The following FAT3 variants were observed in gnomAD, a reference collection of about 807,000 sequenced individuals.
The protein encoded by FAT3 is protocadherin Fat 3.
A neutral mutation model predicts 310.2 loss-of-function variants in FAT3; 95 were observed. The observed-to-expected ratio is 0.31, with a 90% CI of 0.26 to 0.36. The LOEUF is 0.36. Ranked by LOEUF, FAT3 falls within the 10% of genes least tolerant of loss-of-function variation. The pLI is 1.00. For synonymous variants in FAT3, 2,314 were observed against 2,192.9 expected, an observed-to-expected ratio of 1.06 and a Z score of -1.54; for missense variants, 5,408 against 5,715.6, an observed-to-expected ratio of 0.95 and a Z score of 1.74.
intron 2 of FAT3, among the ~76,000 whole-genome samples, chr11:92,385,659 C>T (rs186112446): frequency 7.2e-4 from 109 of 152,200 alleles, no homozygotes; most frequent in African/African-American, 2.2e-3. Context: ...TCAGCCACTG[C>T]GCTTGGCTAC....
intron 22 of FAT3, among the ~76,000 whole-genome samples, chr11:92,876,844 A>G (rs555596837): frequency 6.6e-5 from 10 of 152,336 alleles, no homozygotes; most frequent in South Asian, 2.1e-4. Flanking sequence ...ACTATCTTTT[A>G]TCTGTAGAGA....
chr11:92,425,052 C>T (rs1950600965), intron 2 of FAT3, among the ~76,000 whole-genome samples: 1 of 152,154 alleles, frequency 6.6e-6, no homozygotes, highest in Admixed American at 6.6e-5. Flanking sequence ...ATTGTCTGTA[C>T]AATATTTCAT....
Position 92,538,919 on chromosome 11 carries a change from A to G in FAT3, c.3607+13971A>G, listed in dbSNP as rs149840775. Among the ~76,000 whole-genome samples, 6 of 152,294 alleles carry G rather than the reference A, an allele frequency of 3.9e-5. No homozygotes were observed. In the East Asian group the frequency reaches 1.2e-3, roughly 29 times the overall value. Reference sequence around the variant, plus strand: ...TGAGGAGATGTAAAATAAATCCATCACATTAGAAACAGACTATTAAAGGCA... The same window carrying G: ...TGAGGAGATGTAAAATAAATCCATCGCATTAGAAACAGACTATTAAAGGCA... On this transcript the variant is annotated intron_variant, in intron 3 of 27. Coordinates refer to ENST00000525166, the MANE Select transcript of FAT3 (RefSeq NM_001367949.2).
intron 2 of FAT3, among the ~76,000 whole-genome samples, chr11:92,427,038 C>G (rs936035205): frequency 6.6e-6 from 1 of 152,028 alleles, no homozygotes; most frequent in African/African-American, 2.4e-5. Flanking sequence ...TGTTTGTGTC[C>G]TCTCTTATTT....
intron 1 of FAT3, among the ~76,000 whole-genome samples, chr11:92,298,793 T>C (rs1315937409): frequency 6.6e-6 from 1 of 152,146 alleles, no homozygotes; most frequent in Non-Finnish European, 1.5e-5. Flanking sequence ...TGTCAGCATA[T>C]GAGTGAGATT....
At position 92,795,268 on chromosome 11, in the gene FAT3, A is replaced by AT. The variant is rs540199091; in HGVS notation, c.4822+2299dup. On this transcript the variant is annotated intron_variant, in intron 9 of 27. Transcript: ENST00000525166. ...TGCATATGAATAGAGAGTTTAAAAT[A>AT]TTTTTTTTAGATTTACCTCTCCTCT... Among the ~76,000 whole-genome samples, 9 of 151,964 alleles carry AT rather than the reference A, an allele frequency of 5.9e-5. No homozygotes were observed. The East Asian group carries it at 1.2e-3, about 20-fold the overall frequency.
At chr11:92,524,549 TTAGTG>T in intron 2 of FAT3, 80 bp from the exon 3 acceptor site, 2 of 1,308,704 alleles carry the variant, frequency 1.5e-6, no homozygotes, top group Admixed American at 2.4e-5. Context: ...CCAAGATTAT[TTAGTG>T]TAGTCCTTTG....
chr11:92,245,055 G>T (rs913088262), intron 1 of FAT3, among the ~76,000 whole-genome samples: 1 of 152,016 alleles, frequency 6.6e-6, no homozygotes, highest in African/African-American at 2.4e-5. Context: ...TGTTATTGCA[G>T]CACTGTTCAC....
At chr11:92,602,939 C>G (rs763465868) in intron 3 of FAT3, among the ~76,000 whole-genome samples, 58 of 152,166 alleles carry the variant, frequency 3.8e-4, no homozygotes, top group Non-Finnish European at 1.9e-4. Context: ...CTAAAGTAGT[C>G]ATCCTCACAG....
chr11:92,881,440 T>C (rs1305926767), intron 23 of FAT3, among the ~76,000 whole-genome samples: 6 of 152,200 alleles, frequency 3.9e-5, no homozygotes, highest in East Asian at 3.9e-4. Context: ...CTCAAGCAAG[T>C]GATATTCTAA....
Position 92,352,667 on chromosome 11 carries a change from A to T in FAT3, c.555A>T (p.Ala185=). 1 of 1,613,876 alleles carries T rather than the reference A, an allele frequency of 6.2e-7. No individual in the cohort carries two copies. Among genetic ancestry groups the T allele is most frequent in the South Asian group, 1.1e-5 (1 of 91,084 alleles). Residue 185 remains alanine (A), a synonymous_variant, in exon 2 of 28, where the codon GCA becomes GCT. Coordinates refer to ENST00000525166, the MANE Select transcript of FAT3 (RefSeq NM_001367949.2). ...TSVAQVTATD[A]DIGSNGEFYY... The stretch of plus-strand genomic sequence containing the variant: ...TTGCCCAGGTGACTGCAACAGACGC[A>T]GATATTGGTTCCAATGGAGAATTCT...
intron 2 of FAT3, among the ~76,000 whole-genome samples, chr11:92,507,826 A>G (rs1251424447): frequency 6.6e-6 from 1 of 151,950 alleles, no homozygotes; most frequent in Non-Finnish European, 1.5e-5. Context: ...TATGCCCCTT[A>G]TAACACACAC....
chr11:92,365,755 G>T (rs890206841), intron 2 of FAT3, among the ~76,000 whole-genome samples: 1 of 152,136 alleles, frequency 6.6e-6, no homozygotes, highest in African/African-American at 2.4e-5. Flanking sequence ...GAAACAAGGT[G>T]GGGGAGAGAT....
chr11:92,616,569 A>C (rs997052984), intron 3 of FAT3, among the ~76,000 whole-genome samples: 10 of 152,078 alleles, frequency 6.6e-5, no homozygotes, highest in African/African-American at 1.2e-4. Flanking sequence ...TTCTTCCTAG[A>C]ATCGATGGTC....
chr11:92,467,473 C>G (rs1951794287), intron 2 of FAT3, among the ~76,000 whole-genome samples: 1 of 152,118 alleles, frequency 6.6e-6, no homozygotes, highest in Non-Finnish European at 1.5e-5. Context: ...CTTCTTCAGT[C>G]CCTACTTTGT....
chr11:92,670,238 A>G (rs969971109), intron 3 of FAT3, among the ~76,000 whole-genome samples: 1 of 152,206 alleles, frequency 6.6e-6, no homozygotes, highest in African/African-American at 2.4e-5. Flanking sequence ...TTAAGCCAGT[A>G]TGTTTGTGAT....
intron 1 of FAT3, among the ~76,000 whole-genome samples, chr11:92,297,650 A>G (rs1488303331): frequency 2.6e-5 from 4 of 152,012 alleles, no homozygotes; most frequent in Non-Finnish European, 5.9e-5. Flanking sequence ...ATCTATGACA[A>G]TTTTCTAAGC....
intron 3 of FAT3, among the ~76,000 whole-genome samples, chr11:92,687,197 C>G (rs938963409): frequency 6.6e-6 from 1 of 152,192 alleles, no homozygotes; most frequent in Non-Finnish European, 1.5e-5. Context: ...GTACAAGCCA[C>G]TGTGCCAAGC....
At chr11:92,266,845 C>G (rs1591029179) in intron 1 of FAT3, among the ~76,000 whole-genome samples, 1 of 152,142 alleles carries the variant, frequency 6.6e-6, no homozygotes. Flanking sequence ...CCTGATTTCA[C>G]CTGATGATCT....
Sources: gnomAD v4.1 joint callset for allele counts (sites outside exome capture counted in the v4.1 genomes callset) on GRCh38, gnomAD v4.1.1 for gene constraint, MANE v1.5 for transcripts, NCBI Gene and HGNC (gene_info 2026-07-23, HGNC 2026-07-21) for gene names.